Variants in TRIM2 observed in about 807,000 individuals in gnomAD.
TRIM2 encodes tripartite motif containing 2, also known as tripartite motif-containing protein 2.
TRIM2 carries 20 observed loss-of-function variants against 75.2 expected under a neutral mutation model. That is an observed-to-expected ratio of 0.27 (90% CI 0.19 to 0.39). The LOEUF is 0.39. TRIM2 is among the 10% of genes least tolerant of loss of function. The probability of loss-of-function intolerance (pLI) is 1.00; values close to 1 mark genes in which losing one functional copy is unlikely to be tolerated. For synonymous variants in TRIM2, 373 were observed against 388.3 expected, an observed-to-expected ratio of 0.96 and a Z score of 0.46; for missense variants, 660 against 990.8, an observed-to-expected ratio of 0.67 and a Z score of 4.48.
intron 1 of TRIM2, among the ~76,000 whole-genome samples, chr4:153,231,721 C>T (rs367644958): frequency 3.3e-5 from 5 of 152,286 alleles, no homozygotes; most frequent in African/African-American, 4.8e-5. Flanking sequence ...GGCTGTCCCA[C>T]GCTTCCCTTG....
intron 3 of TRIM2, among the ~76,000 whole-genome samples, chr4:153,279,933 ACT>A (rs1758863764): frequency 7.9e-6 from 1 of 127,386 alleles, no homozygotes; most frequent in Admixed American, 7.8e-5. Context: ...ACAGAGTGAG[ACT>A]CTGTCTCAAA....
rs557848708 is a variant in TRIM2, at chr4:153,325,377, C to G, written c.2022+1229C>G. Among the ~76,000 whole-genome samples the G allele has an allele frequency of 2.6e-5, 4 of 152,216 alleles. No homozygotes were observed. In the South Asian group the frequency reaches 8.3e-4, roughly 32 times the overall value. ...GAGATGCTCACATGGTGGCATAGGT[C>G]CCCCCTACACTCAAATGCAGATAAT... On this transcript the variant is annotated intron_variant, in intron 10 of 11. Transcript: ENST00000338700.
intron 1 of TRIM2, among the ~76,000 whole-genome samples, chr4:153,244,424 T>C (rs1434941182): frequency 2.7e-5 from 3 of 110,152 alleles, no homozygotes; most frequent in South Asian, 2.7e-4. Context: ...CTTCTTCTTC[T>C]TCTTCTTCTT....
chr4:153,256,033 G>A (rs1217328016), intron 1 of TRIM2, among the ~76,000 whole-genome samples: 1 of 152,102 alleles, frequency 6.6e-6, no homozygotes, highest in Non-Finnish European at 1.5e-5. Context: ...TCCAAAATTG[G>A]CTGTGGTAAT....
intron 6 of TRIM2, among the ~76,000 whole-genome samples, chr4:153,311,511 C>A (rs1477712480): frequency 3.3e-5 from 5 of 152,066 alleles, no homozygotes; most frequent in Non-Finnish European, 7.4e-5. Flanking sequence ...TTCATCTATT[C>A]TGTTCAGGTG....
At position 153,263,624 on chromosome 4, in the gene TRIM2, C is replaced by A. The variant is rs188516853; in HGVS notation, c.31-6711C>A. Among the ~76,000 whole-genome samples the A allele has an allele frequency of 4.5e-4, 69 of 152,294 alleles. 1 individual carries two copies. In the East Asian group the frequency reaches 0.011, roughly 23 times the overall value. The stretch of plus-strand genomic sequence containing the variant: ...TTACATTCTAGGGGGAGGGCGGAGA[C>A]AATATCCAAAATATATAAATTACAT... On this transcript the variant is annotated intron_variant, in intron 1 of 11. Coordinates refer to ENST00000338700, the MANE Select transcript of TRIM2 (RefSeq NM_015271.5).
At chr4:153,179,802 T>C (rs541761649) in intron 1 of TRIM2, among the ~76,000 whole-genome samples, 1 of 152,294 alleles carries the variant, frequency 6.6e-6, no homozygotes, top group East Asian at 1.9e-4. Context: ...CTGCAGTCAC[T>C]GTGTGTGTGA....
intron 1 of TRIM2, among the ~76,000 whole-genome samples, chr4:153,163,813 TAAAAC>T (rs1730012029): frequency 1.3e-5 from 2 of 151,896 alleles, no homozygotes; most frequent in East Asian, 1.9e-4. Flanking sequence ...ATTTACATCT[TAAAAC>T]GTGCTGCAAA....
At chr4:153,326,706 C>T (rs555846243) in intron 10 of TRIM2, among the ~76,000 whole-genome samples, 45 of 152,310 alleles carry the variant, frequency 3.0e-4, no homozygotes, top group Non-Finnish European at 5.0e-4. Flanking sequence ...CAAGGCTGGG[C>T]GCAGTGGCTC....
At chr4:153,267,797 C>T (rs1028475410) in intron 1 of TRIM2, among the ~76,000 whole-genome samples, 1 of 151,536 alleles carries the variant, frequency 6.6e-6, no homozygotes, top group African/African-American at 2.4e-5. Context: ...TTCTTTCTTC[C>T]CTTTCTTTCT....
chr4:153,305,110 C>T (rs977830814), intron 6 of TRIM2, among the ~76,000 whole-genome samples: 7 of 152,118 alleles, frequency 4.6e-5, no homozygotes, highest in African/African-American at 1.7e-4. Context: ...TTTAAACTCC[C>T]AGCTGTTAGA....
At chr4:153,293,879 G>A (rs1762293363) in intron 4 of TRIM2, among the ~76,000 whole-genome samples, 2 of 152,268 alleles carry the variant, frequency 1.3e-5, no homozygotes, top group South Asian at 2.1e-4. Flanking sequence ...GACATTTTTG[G>A]TATCACAACT....
intron 1 of TRIM2, among the ~76,000 whole-genome samples, chr4:153,249,833 A>ATCG (rs1750400877): frequency 3.9e-5 from 6 of 152,226 alleles, no homozygotes; most frequent in Admixed American, 3.3e-4. Flanking sequence ...AGAGAAAAAC[A>ATCG]ATACTTGATA....
At chr4:153,288,747 G>A (rs1761213327) in intron 3 of TRIM2, among the ~76,000 whole-genome samples, 1 of 151,008 alleles carries the variant, frequency 6.6e-6, no homozygotes, top group African/African-American at 2.4e-5. Context: ...GTGTCCCACG[G>A]GCCTCTTAGG....
rs535198265 is a variant in TRIM2 at position 153,315,459 on chromosome 4, T to C, written c.1511-26T>C. ...GAAATCTAACCCTTTAGTGCTTAAT[T>C]TTTATGATTTTATCATTTATTTTAG... is the stretch of plus-strand genomic sequence containing the variant. On this transcript the variant is annotated intron_variant, in intron 6 of 11. Transcript: ENST00000338700. The C allele has an allele frequency of 1.9e-6, 3 of 1,569,182 alleles. 1 individual carries two copies. The South Asian group carries it at 3.5e-5, about 18-fold the overall frequency.
At chr4:153,204,304 A>G, upstream of TRIM2, 2 of 573,102 alleles carry the variant, frequency 3.5e-6, no homozygotes, top group Non-Finnish European at 6.2e-6. Context: ...CCTACTTCGG[A>G]ATGAAACACA....
chr4:153,261,441 G>C (rs553174304), intron 1 of TRIM2, among the ~76,000 whole-genome samples: 2 of 152,176 alleles, frequency 1.3e-5, no homozygotes, highest in Middle Eastern at 3.4e-3. Flanking sequence ...AAAAAAAAAG[G>C]CATCTTAATA....
At position 153,308,475 on chromosome 4, in the gene TRIM2, A is replaced by G. The variant is rs1432957511; in HGVS notation, c.1511-7010A>G. The G allele has an allele frequency of 1.0e-5, 8 of 774,326 alleles. No individual in the cohort carries two copies. In the Admixed American group the frequency reaches 1.0e-4, roughly 10 times the overall value. 48.0% of individuals were successfully genotyped at this position (774,326 alleles called of 1,614,324 possible). A position where few individuals can be genotyped will look rare whatever the true frequency, so the allele number is the denominator to read the frequency against. On this transcript the variant is annotated intron_variant, in intron 6 of 11. Coordinates refer to ENST00000338700, the MANE Select transcript of TRIM2 (RefSeq NM_015271.5). ...TGTCTTTAATAGGCCCAAAGCCACTATCTAGGTGGCCAGATAAGGCTGACT... is the reference window on the plus strand; with the variant it reads ...TGTCTTTAATAGGCCCAAAGCCACTGTCTAGGTGGCCAGATAAGGCTGACT...
At chr4:153,255,575 C>T (rs1466414088) in intron 1 of TRIM2, among the ~76,000 whole-genome samples, 1 of 152,182 alleles carries the variant, frequency 6.6e-6, no homozygotes, top group Non-Finnish European at 1.5e-5. Flanking sequence ...AGCCTGCTTC[C>T]AGTTTTAGAA....
Sources: allele counts gnomAD v4.1 joint callset (sites outside exome capture counted in the v4.1 genomes callset), GRCh38; gene constraint gnomAD v4.1.1; transcripts MANE v1.5; gene names NCBI Gene and HGNC (gene_info 2026-07-23, HGNC 2026-07-21).